NRXN3: variants seen among roughly 807,000 people sequenced by gnomAD.
NRXN3 encodes neurexin 3.
NRXN3 carries 32 observed loss-of-function variants against 137.6 expected under a neutral mutation model. The observed-to-expected ratio is 0.23, with a 90% CI of 0.18 to 0.31. NRXN3 has a LOEUF of 0.31. NRXN3 is among the 10% of genes least tolerant of loss of function. The probability of loss-of-function intolerance (pLI) is 1.00; values close to 1 mark genes in which losing one functional copy is unlikely to be tolerated. For missense variants in NRXN3, 1,574 were observed against 2,062.5 expected, an observed-to-expected ratio of 0.76 and a Z score of 4.59; for synonymous variants, 798 against 784.5, an observed-to-expected ratio of 1.02 and a Z score of -0.29.
At chr14:79,344,141 T>C (rs539968501) in intron 15 of NRXN3, among the ~76,000 whole-genome samples, 1 of 152,142 alleles carries the variant, frequency 6.6e-6, no homozygotes, top group South Asian at 2.1e-4. Context: ...GAGGAATGTA[T>C]TATTATCTAT....
rs11850331 is a variant in NRXN3 at position 79,302,882 on chromosome 14, C to G, written c.3263-164339C>G. Among the ~76,000 whole-genome samples the G allele has an allele frequency of 1.5e-3, 233 of 152,022 alleles. 1 individual carries two copies. Among genetic ancestry groups the G allele is most frequent in the African/African-American group, 5.0e-3 (206 of 41,502 alleles). ...CCCAGTCTCAGGTAGTTCTTTATAG[C>G]AGTGTGGAAACAGACCACACAGACC... On this transcript the variant is annotated intron_variant, in intron 15 of 20. Coordinates refer to ENST00000335750, the MANE Select transcript of NRXN3 (RefSeq NM_001330195.2).
chr14:79,767,252 C>T (rs1411479732), intron 19 of NRXN3, among the ~76,000 whole-genome samples: 2 of 152,232 alleles, frequency 1.3e-5, no homozygotes, highest in Non-Finnish European at 2.9e-5. Flanking sequence ...TTCAATATTA[C>T]AGACCTTACT....
intron 4 of NRXN3, among the ~76,000 whole-genome samples, chr14:78,419,961 G>GCACGCACACACACACA (rs2093361871): frequency 1.2e-4 from 6 of 49,150 alleles, no homozygotes; most frequent in East Asian, 2.7e-4. Flanking sequence ...GCGCGCGCAC[G>GCACGCACACACACACA]CACACACACA....
At chr14:79,279,522 T>G (rs1375686730) in intron 15 of NRXN3, 21 of 985,980 alleles carry the variant, frequency 2.1e-5, no homozygotes, top group Non-Finnish European at 2.5e-5. Context: ...CGTGCCACGT[T>G]GGTTTGGGTG....
chr14:79,734,896 C>A (rs2098936647), intron 19 of NRXN3, among the ~76,000 whole-genome samples: 1 of 152,134 alleles, frequency 6.6e-6, no homozygotes, highest in Admixed American at 6.6e-5. Flanking sequence ...CCAGTGGCTT[C>A]TTGAGAAAGC....
chr14:78,300,625 G>A (rs1185957831), intron 4 of NRXN3: 44 of 1,404,046 alleles, frequency 3.1e-5, no homozygotes, highest in African/African-American at 5.7e-5. Context: ...CTCTCTGGCC[G>A]CCTCCATGGT....
intron 15 of NRXN3, among the ~76,000 whole-genome samples, chr14:79,392,567 C>T (rs2094883847): frequency 6.6e-6 from 1 of 152,138 alleles, no homozygotes; most frequent in East Asian, 1.9e-4. Flanking sequence ...AGAATCGCCA[C>T]ACTGCCAACA....
intron 6 of NRXN3, among the ~76,000 whole-genome samples, chr14:78,693,733 C>T (rs1016095275): frequency 8.5e-5 from 12 of 141,472 alleles, no homozygotes; most frequent in Non-Finnish European, 1.2e-4. Context: ...TCTTTTAGTT[C>T]ATTCCCTATG....
chr14:78,322,188 G>A lies in NRXN3; in HGVS notation c.757+24328G>A, dbSNP rs562167745. On this transcript the variant is annotated intron_variant, in intron 4 of 20. Transcript: ENST00000335750. ...CAGGGGGATTGCATAAATGAAATAA[G>A]CCAAACCCTCAGCTTCTGAATCTTT... 6.8e-4 allele frequency among the ~76,000 whole-genome samples: 104 copies of A among 151,976 alleles called. 2 individuals carry two copies. The highest frequency in any genetic ancestry group is 2.4e-3 in the African/African-American group (100 of 41,374).
intron 4 of NRXN3, among the ~76,000 whole-genome samples, chr14:78,508,159 A>G (rs1354637417): frequency 6.6e-6 from 1 of 152,200 alleles, no homozygotes; most frequent in Non-Finnish European, 1.5e-5. Context: ...TGAAATGCTG[A>G]AAAGAGAGAA....
intron 4 of NRXN3, among the ~76,000 whole-genome samples, chr14:78,332,759 TAAAG>T (rs1402934124): frequency 1.3e-5 from 2 of 152,228 alleles, no homozygotes; most frequent in African/African-American, 4.8e-5. Context: ...TATTGTGACT[TAAAG>T]GAATCGATAT....
chr14:78,532,367 A>G (rs1456663177), intron 4 of NRXN3, among the ~76,000 whole-genome samples: 2 of 122,054 alleles, frequency 1.6e-5, no homozygotes, highest in African/African-American at 6.4e-5. Flanking sequence ...AAGAAAATTG[A>G]TGATATTTTG....
At chr14:79,411,418 T>C (rs781541139) in intron 15 of NRXN3, among the ~76,000 whole-genome samples, 69 of 152,262 alleles carry the variant, frequency 4.5e-4, no homozygotes, top group Admixed American at 3.0e-3. Context: ...CTATTTATCA[T>C]TGTATTTTTG....
rs372249108 is a variant in NRXN3, at chr14:79,692,326, G to A, written c.3706+64G>A. ...TCCTAAACCCTCATTTTTAAAGCCT[G>A]CAAATAAATGTTCCTTAAATGATAA... On this transcript the variant is annotated intron_variant, in intron 18 of 20. Coordinates refer to ENST00000335750, the MANE Select transcript of NRXN3 (RefSeq NM_001330195.2). The A allele has an allele frequency of 3.6e-5, 42 of 1,165,788 alleles. No homozygotes were observed. The South Asian group carries it at 4.7e-4, about 13-fold the overall frequency. 72.2% of individuals were successfully genotyped at this position (1,165,788 alleles called of 1,614,324 possible).
chr14:78,547,391 G>GT (rs1326657765), intron 4 of NRXN3, among the ~76,000 whole-genome samples: 4 of 151,838 alleles, frequency 2.6e-5, no homozygotes, highest in African/African-American at 9.7e-5. Context: ...GTAGAGATGG[G>GT]TTTTTACCAT....
chr14:79,254,407 C>T (rs140173218), intron 15 of NRXN3, among the ~76,000 whole-genome samples: 6 of 152,286 alleles, frequency 3.9e-5, no homozygotes, highest in African/African-American at 1.4e-4. Flanking sequence ...AAGACTGTCA[C>T]TTAATGAAGC....
intron 8 of NRXN3, among the ~76,000 whole-genome samples, chr14:78,762,371 G>A (rs1177194951): frequency 6.6e-6 from 1 of 152,134 alleles, no homozygotes; most frequent in Non-Finnish European, 1.5e-5. Flanking sequence ...TTAGGTAAGG[G>A]AACGGACGAG....
intron 20 of NRXN3, among the ~76,000 whole-genome samples, chr14:79,850,346 G>C (rs1304916931): frequency 6.6e-6 from 1 of 152,050 alleles, no homozygotes; most frequent in African/African-American, 2.4e-5. Flanking sequence ...TTCCTCTTGG[G>C]CCTCACCTCT....
At chr14:78,887,917 G>T (rs2152687903) in intron 10 of NRXN3, among the ~76,000 whole-genome samples, 1 of 152,206 alleles carries the variant, frequency 6.6e-6, no homozygotes, top group Non-Finnish European at 1.5e-5. Context: ...TATCCAGAAT[G>T]CCTGGGATTG....
Sources: gnomAD v4.1 joint callset for allele counts (sites outside exome capture counted in the v4.1 genomes callset) on GRCh38, gnomAD v4.1.1 for gene constraint, MANE v1.5 for transcripts, NCBI Gene and HGNC (gene_info 2026-07-23, HGNC 2026-07-21) for gene names.